FZD3: variants seen among roughly 807,000 people sequenced by gnomAD.
The protein encoded by FZD3 is frizzled class receptor 3.
Under a neutral mutation model 60.7 loss-of-function variants are expected in FZD3, and 30 were observed. The observed-to-expected ratio is 0.49, with a 90% confidence interval of 0.37 to 0.67. The LOEUF (loss-of-function observed/expected upper bound fraction) is 0.67, where lower values mean the gene tolerates loss of function less well. Among genes scored for constraint, FZD3 ranks in the 30% least tolerant of loss-of-function variants. The pLI, the probability that FZD3 is intolerant of heterozygous loss-of-function variation, is 0.00. For synonymous variants in FZD3, 246 were observed against 275.2 expected (o/e 0.89, Z 1.05); for missense variants, 605 against 838.7 (o/e 0.72, Z 3.44).
chr8:28,557,737 C>G lies in FZD3; in HGVS notation c.1787+1766C>G, dbSNP rs565433446. 5.3e-5 allele frequency among the ~76,000 whole-genome samples: 8 copies of G among 152,338 alleles called. No homozygotes were observed. The East Asian group carries it at 1.5e-3, about 29-fold the overall frequency. On this transcript the variant is annotated intron_variant, in intron 7 of 7. Coordinates refer to ENST00000240093, the MANE Select transcript of FZD3 (RefSeq NM_017412.4). ...CTGTACCCTCTAACATCACCAGTGA[C>G]TTCATTTTAACCACAAGGATCTTTC... is the stretch of plus-strand genomic sequence containing the variant.
At chr8:28,560,953 A>C (rs1468660900) in intron 7 of FZD3, among the ~76,000 whole-genome samples, 1 of 152,380 alleles carries the variant, frequency 6.6e-6, no homozygotes, top group African/African-American at 2.4e-5. Context: ...TTAATAAATA[A>C]GAATTAAATA....
At chr8:28,508,691 T>C (rs1214896769) in intron 3 of FZD3, among the ~76,000 whole-genome samples, 1 of 151,900 alleles carries the variant, frequency 6.6e-6, no homozygotes, top group Non-Finnish European at 1.5e-5. Context: ...TGTTTGTTTG[T>C]TTGTTTGTTT....
chr8:28,548,014 G>C (rs1231607567), intron 5 of FZD3, among the ~76,000 whole-genome samples: 1 of 151,880 alleles, frequency 6.6e-6, no homozygotes, highest in Non-Finnish European at 1.5e-5. Flanking sequence ...CATCACACCT[G>C]GCTAATTTTT....
chr8:28,523,614 A>G (rs1030862401), intron 4 of FZD3, among the ~76,000 whole-genome samples: 1 of 150,882 alleles, frequency 6.6e-6, no homozygotes, highest in Non-Finnish European at 1.5e-5. Context: ...AAAAAAAAAA[A>G]TTTGTAGAGA....
At position 28,527,560 on chromosome 8, in the gene FZD3, C is replaced by G. The variant is rs1376381226; in HGVS notation, c.800C>G (p.Ser267Cys). The change falls in exon 5 of 8, where the codon TCC becomes TGC. Residue 267 changes from serine (S) to cysteine (C), a missense_variant. Transcript: ENST00000240093. This position sits in a 1 kb window ranked among gnomAD's most constrained non-coding sequence, Gnocchi z 5.0. ...LLEDRVACNA[S>C]IPAQYKASTV... is the part of the protein sequence containing the mutation. ...GAAGATCGAGTAGCCTGCAATGCAT[C>G]CATCCCTGCACAATATAAGGCTTCC... 6.2e-7 allele frequency: 1 copy of G among 1,613,766 alleles called. No homozygotes were observed. Among genetic ancestry groups the G allele is most frequent in the Non-Finnish European group, 8.5e-7 (1 of 1,179,800 alleles).
chr8:28,521,456 A>G (rs1804577099), intron 4 of FZD3, among the ~76,000 whole-genome samples: 1 of 152,158 alleles, frequency 6.6e-6, no homozygotes, highest in Admixed American at 6.5e-5. Context: ...AGGATAAAGA[A>G]TAAGGTGAAT....
At chr8:28,547,889 G>A (rs1202101687) in intron 5 of FZD3, among the ~76,000 whole-genome samples, 2 of 148,668 alleles carry the variant, frequency 1.3e-5, no homozygotes, top group African/African-American at 2.5e-5. Flanking sequence ...GCCTAGCTCT[G>A]TCACCCAGGC....
At chr8:28,496,786 G>C (rs567617949) in intron 1 of FZD3, among the ~76,000 whole-genome samples, 1 of 152,352 alleles carries the variant, frequency 6.6e-6, no homozygotes, top group African/African-American at 2.4e-5. Context: ...TGCACGTGAA[G>C]TTTGAGATGA....
chr8:28,513,328 A>G (rs1363585861), intron 3 of FZD3, among the ~76,000 whole-genome samples: 1 of 152,200 alleles, frequency 6.6e-6, no homozygotes, highest in African/African-American at 2.4e-5. Flanking sequence ...TTTACTTCCT[A>G]TAGGAAAGTC....
At chr8:28,512,017 C>G (rs1804303133) in intron 3 of FZD3, among the ~76,000 whole-genome samples, 1 of 152,122 alleles carries the variant, frequency 6.6e-6, no homozygotes, top group South Asian at 2.1e-4. Flanking sequence ...CTCTTAATCT[C>G]CTAGGGTTAT....
chr8:28,569,207 A>G lies in FZD3; in HGVS notation c.*6196A>G, dbSNP rs755001560. Reference sequence around the variant, plus strand: ...GTTTTTTTTTTTAACTTAGAGCTTAATAATTTCTATTTTCTATCCTGGAGT... The same window carrying G: ...GTTTTTTTTTTTAACTTAGAGCTTAGTAATTTCTATTTTCTATCCTGGAGT... On this transcript the variant is annotated 3_prime_UTR_variant, in exon 8 of 8. Transcript: ENST00000240093. The G allele has an allele frequency of 9.9e-5, 15 of 150,816 alleles. No homozygotes were observed. Among genetic ancestry groups the G allele is most frequent in the Non-Finnish European group, 1.5e-4 (10 of 67,716 alleles). 9.3% of individuals were successfully genotyped at this position (150,816 alleles called of 1,614,324 possible).
chr8:28,501,670 C>T (rs1803997984), intron 2 of FZD3, among the ~76,000 whole-genome samples: 1 of 152,320 alleles, frequency 6.6e-6, no homozygotes, highest in African/African-American at 2.4e-5. Flanking sequence ...CACACCCTCT[C>T]AGCTGAAATT....
intron 6 of FZD3, among the ~76,000 whole-genome samples, chr8:28,552,795 A>G (rs1204737804): frequency 5.3e-5 from 8 of 152,228 alleles, no homozygotes; most frequent in Admixed American, 5.2e-4. Context: ...TTTAATATAC[A>G]GTCAGCCTTT....
At chr8:28,540,615 A>G (rs1354480553) in intron 5 of FZD3, among the ~76,000 whole-genome samples, 2 of 152,218 alleles carry the variant, frequency 1.3e-5, no homozygotes, top group African/African-American at 2.4e-5. Flanking sequence ...CATTTTAATT[A>G]TGCAAGGAAC....
At chr8:28,533,839 G>C (rs1381521836) in intron 5 of FZD3, among the ~76,000 whole-genome samples, 1 of 152,038 alleles carries the variant, frequency 6.6e-6, no homozygotes, top group East Asian at 1.9e-4. Flanking sequence ...GGAAGATAGT[G>C]CTGGTGTGGC....
chr8:28,542,503 T>G (rs1002280677), intron 5 of FZD3, among the ~76,000 whole-genome samples: 1 of 152,148 alleles, frequency 6.6e-6, no homozygotes, highest in African/African-American at 2.4e-5. Flanking sequence ...CTGGGCCTAG[T>G]GGCGCATGCC....
chr8:28,557,539 A>T (rs1805534309), intron 7 of FZD3, among the ~76,000 whole-genome samples: 1 of 151,972 alleles, frequency 6.6e-6, no homozygotes, highest in African/African-American at 2.4e-5. Flanking sequence ...TTGTTCAGCT[A>T]CCCTGTGTTT....
chr8:28,568,115 A>AT lies in FZD3; in HGVS notation c.*5110dup, dbSNP rs1390735963. On this transcript the variant is annotated 3_prime_UTR_variant, in exon 8 of 8. Transcript: ENST00000240093. ...TTTTTTTAAAGTATGTAAAGTAAGG[A>AT]TTTTTTCTCCATTCTTCACTCACAA... 7 of 151,990 alleles carry AT rather than the reference A, an allele frequency of 4.6e-5. No homozygotes were observed. The highest frequency in any genetic ancestry group is 4.1e-4 in the South Asian group (2 of 4,828). 9.4% of individuals were successfully genotyped at this position (151,990 alleles called of 1,614,324 possible).
chr8:28,554,522 T>G (rs1363235670), intron 6 of FZD3, among the ~76,000 whole-genome samples: 2 of 152,178 alleles, frequency 1.3e-5, no homozygotes, highest in Non-Finnish European at 2.9e-5. Context: ...AATTTAAGTT[T>G]GATCCTTGAC....
Sources: allele counts gnomAD v4.1 joint callset (sites outside exome capture counted in the v4.1 genomes callset), GRCh38; gene constraint gnomAD v4.1.1; non-coding constraint Gnocchi (gnomAD v3.1); transcripts MANE v1.5; gene names NCBI Gene and HGNC (gene_info 2026-07-23, HGNC 2026-07-21).